Variants in SPATA17 observed in about 807,000 individuals in gnomAD.
SPATA17 encodes spermatogenesis associated 17.
Under a neutral mutation model 62.2 loss-of-function variants are expected in SPATA17, and 53 were observed. That is an observed-to-expected ratio of 0.85 (90% CI 0.68 to 1.07). The LOEUF (loss-of-function observed/expected upper bound fraction) is 1.07, where lower values mean the gene tolerates loss of function less well. Among genes scored for constraint, SPATA17 ranks in the 50% least tolerant of loss-of-function variants. SPATA17 has a pLI of 0.00. For missense variants in SPATA17, 466 were observed against 425.5 expected, an observed-to-expected ratio of 1.10 and a Z score of -0.84; for synonymous variants, 146 against 146.8, an observed-to-expected ratio of 0.99 and a Z score of 0.04.
chr1:217,708,111 C>T (rs116271890), intron 5 of SPATA17, among the ~76,000 whole-genome samples: 6,745 of 152,102 alleles, frequency 0.044, 229 homozygotes, highest in Middle Eastern at 0.1. Flanking sequence ...TCAGAAATAT[C>T]CCAAATTAAT....
At chr1:217,669,246 G>A (rs1670781302) in intron 4 of SPATA17, among the ~76,000 whole-genome samples, 163 bp downstream of exon 4, 1 of 152,130 alleles carries the variant, frequency 6.6e-6, no homozygotes, top group African/African-American at 2.4e-5. Context: ...AATAATCTTG[G>A]CAGTATTAAA....
intron 6 of SPATA17, among the ~76,000 whole-genome samples, chr1:217,771,924 G>C (rs1673457264): frequency 6.6e-6 from 1 of 152,046 alleles, no homozygotes; most frequent in Non-Finnish European, 1.5e-5. Flanking sequence ...ATTTTCAAAT[G>C]ATAAATTTTA....
At chr1:217,687,191 G>A (rs1006628638) in intron 5 of SPATA17, among the ~76,000 whole-genome samples, 1 of 151,892 alleles carries the variant, frequency 6.6e-6, no homozygotes, top group African/African-American at 2.4e-5. Context: ...TTTAGTCTAC[G>A]ATTCGTTTCC....
intron 9 of SPATA17, among the ~76,000 whole-genome samples, chr1:217,829,621 C>G: frequency 1.7e-5 from 1 of 58,494 alleles, no homozygotes; most frequent in East Asian, 5.4e-4. Context: ...GAGCGAGACT[C>G]CATCTCAAAA....
At chr1:217,749,831 A>C (rs1320240101) in intron 6 of SPATA17, among the ~76,000 whole-genome samples, 2 of 150,762 alleles carry the variant, frequency 1.3e-5, no homozygotes, top group Non-Finnish European at 3.0e-5. Context: ...AGCATTCAAA[A>C]TTCTTTACAA....
chr1:217,721,984 C>T lies in SPATA17; in HGVS notation c.396-19991C>T, dbSNP rs974330978. On this transcript the variant is annotated intron_variant, in intron 5 of 10. Coordinates refer to ENST00000366933, the MANE Select transcript of SPATA17 (RefSeq NM_138796.4). Reference sequence around the variant, plus strand: ...CATTATGATCCTTCTCCTGCCCTCTCTTCTGCCTTCCACAGTCCCTTGGGG... The same window carrying T: ...CATTATGATCCTTCTCCTGCCCTCTTTTCTGCCTTCCACAGTCCCTTGGGG... Among the ~76,000 whole-genome samples the T allele has an allele frequency of 2.6e-5, 4 of 152,160 alleles. No homozygotes were observed. The South Asian group carries it at 8.3e-4, about 32-fold the overall frequency.
intron 5 of SPATA17, among the ~76,000 whole-genome samples, chr1:217,728,729 A>G (rs1301503818): frequency 1.3e-5 from 2 of 152,160 alleles, no homozygotes; most frequent in Admixed American, 1.3e-4. Flanking sequence ...ACTGTCAGGT[A>G]GCTTCCCTAA....
chr1:217,793,834 G>A (rs1429088083), intron 8 of SPATA17, among the ~76,000 whole-genome samples: 1 of 151,976 alleles, frequency 6.6e-6, no homozygotes, highest in African/African-American at 2.4e-5. Flanking sequence ...CTGAAAAGGA[G>A]GCCGGGTGCG....
intron 8 of SPATA17, 76 bp from the exon 9 acceptor site, chr1:217,801,642 T>G: frequency 7.7e-7 from 1 of 1,290,670 alleles, no homozygotes. Flanking sequence ...ACTATAGTAC[T>G]TCTACAAAGC....
intron 9 of SPATA17, among the ~76,000 whole-genome samples, chr1:217,816,236 C>T (rs762068630): frequency 5.3e-5 from 8 of 151,776 alleles, no homozygotes; most frequent in Admixed American, 5.3e-4. Flanking sequence ...TTTAATTGAC[C>T]TTAAGAAGAG....
At chr1:217,669,155 C>A in intron 4 of SPATA17, 72 bp downstream of exon 4, 1 of 1,362,114 alleles carries the variant, frequency 7.3e-7, no homozygotes, top group South Asian at 1.2e-5. Context: ...ATAAAATGAG[C>A]AAAGCAGAAT....
chr1:217,678,429 C>T lies in SPATA17; in HGVS notation c.292-4829C>T, dbSNP rs1439110234. ...TTCACCATGTTGGCCAGGCTGGTCT[C>T]GAACTCCTGACCTCGTGATCCACCC... is the stretch of plus-strand genomic sequence containing the variant. On this transcript the variant is annotated intron_variant, in intron 4 of 10. Transcript: ENST00000366933. 4.6e-5 allele frequency among the ~76,000 whole-genome samples: 7 copies of T among 151,576 alleles called. No homozygotes were observed. In the East Asian group the frequency reaches 7.8e-4, roughly 17 times the overall value.
At chr1:217,768,171 G>A (rs1571792675) in intron 6 of SPATA17, among the ~76,000 whole-genome samples, 1 of 152,062 alleles carries the variant, frequency 6.6e-6, no homozygotes, top group African/African-American at 2.4e-5. Flanking sequence ...CTTGAACCAG[G>A]GAGGCGGAGG....
chr1:217,734,602 C>T (rs1004125863), intron 5 of SPATA17, among the ~76,000 whole-genome samples: 2 of 152,116 alleles, frequency 1.3e-5, no homozygotes, highest in Non-Finnish European at 2.9e-5. Flanking sequence ...AAATCCATTT[C>T]GTTAGAATTT....
At chr1:217,757,186 A>T (rs1673066116) in intron 6 of SPATA17, among the ~76,000 whole-genome samples, 2 of 152,232 alleles carry the variant, frequency 1.3e-5, no homozygotes, top group South Asian at 4.1e-4. Context: ...GACAGGTGTT[A>T]GAGCCCAATA....
At position 217,870,740 on chromosome 1, in the gene SPATA17, C is replaced by T. The variant is rs77743504; in HGVS notation, c.*3721C>T. 4.6e-4 allele frequency: 70 copies of T among 152,260 alleles called. No individual in the cohort carries two copies. Among genetic ancestry groups the T allele is most frequent in the African/African-American group, 1.5e-3 (61 of 41,558 alleles). The allele number at this position is 152,260 out of a possible 1,614,324, so 9.4% of individuals were successfully genotyped here. ...CACCCTAAGAGCCTTCAGAATTAGA[C>T]GCTTCAATTCTTCTGAAATCAAAAG... is the stretch of plus-strand genomic sequence containing the variant. On this transcript the variant is annotated 3_prime_UTR_variant, in exon 11 of 11. Transcript: ENST00000366933.
intron 3 of SPATA17, among the ~76,000 whole-genome samples, chr1:217,655,985 C>G (rs990366848): frequency 6.6e-6 from 1 of 152,056 alleles, no homozygotes; most frequent in African/African-American, 2.4e-5. Flanking sequence ...TCAAGTGATT[C>G]TCCTGCCTCA....
chr1:217,723,272 G>A (rs1337483963), intron 5 of SPATA17, among the ~76,000 whole-genome samples: 1 of 152,048 alleles, frequency 6.6e-6, no homozygotes, highest in Non-Finnish European at 1.5e-5. Flanking sequence ...TCACTTCCTC[G>A]GTGAGCTGAA....
At chr1:217,808,320 G>T (rs1387489182) in intron 9 of SPATA17, among the ~76,000 whole-genome samples, 6 of 148,362 alleles carry the variant, frequency 4.0e-5, no homozygotes, top group South Asian at 2.1e-4. Context: ...GGAATATTTT[G>T]GTTTCCTTCA....
Sources: gnomAD v4.1 joint callset for allele counts (sites outside exome capture counted in the v4.1 genomes callset) on GRCh38, gnomAD v4.1.1 for gene constraint, MANE v1.5 for transcripts, NCBI Gene and HGNC (gene_info 2026-07-23, HGNC 2026-07-21) for gene names.